Variants in ATP5MJ observed in about 807,000 individuals in gnomAD.
The protein encoded by ATP5MJ is ATP synthase membrane subunit j.
ATP5MJ carries 4 observed loss-of-function variants against 8.3 expected under a neutral mutation model. That is an observed-to-expected ratio of 0.48 (90% CI 0.24 to 1.11). ATP5MJ has a LOEUF of 1.11. ATP5MJ is among the 50% of genes least tolerant of loss of function. The pLI, the probability that ATP5MJ is intolerant of heterozygous loss-of-function variation, is 0.18. For synonymous variants in ATP5MJ, 23 were observed against 21.3 expected (o/e 1.08, Z -0.23); for missense variants, 66 against 71.8 (o/e 0.92, Z 0.29).
chr14:103,921,272 C>T, intron 1 of ATP5MJ, 198 bp downstream of exon 1: 1 of 482,856 alleles, frequency 2.1e-6, no homozygotes, highest in East Asian at 3.6e-5. Context: ...GGAAACGCGG[C>T]GCAGGCCTAG....
chr14:103,917,553 G>T (rs986237392), intron 1 of ATP5MJ, among the ~76,000 whole-genome samples: 2 of 151,726 alleles, frequency 1.3e-5, no homozygotes, highest in Non-Finnish European at 2.9e-5. Flanking sequence ...GATGGGATTC[G>T]AGGGCAGCTG....
intron 1 of ATP5MJ, chr14:103,918,108 C>A (rs1446793263): frequency 6.6e-6 from 1 of 152,238 alleles, no homozygotes; most frequent in Non-Finnish European, 1.5e-5. Flanking sequence ...GTGTGAGGTT[C>A]CAAGAAACGA....
rs137939603 is a variant in ATP5MJ, at chr14:103,912,828, A to G, written c.149-134T>C. On this transcript the variant is annotated intron_variant, in intron 3 of 3. Transcript: ENST00000286953. The stretch of plus-strand genomic sequence containing the variant: ...AATGACACCTTTCAATACTATTGAA[A>G]AGTAGGATTATTTCTATATGAAACA... The G allele has an allele frequency of 5.4e-3, 4,602 of 851,998 alleles. 27 individuals are homozygous for G. Among genetic ancestry groups the G allele is most frequent in the Non-Finnish European group, 7.4e-3 (3,962 of 537,424 alleles). The allele number at this position is 851,998 out of a possible 1,614,324, so 52.8% of individuals were successfully genotyped here.
At chr14:103,914,405 C>T in intron 2 of ATP5MJ, 3 of 570,808 alleles carry the variant, frequency 5.3e-6, no homozygotes, top group South Asian at 2.3e-5. Flanking sequence ...ATACCATGAA[C>T]CCATACCTTA....
At chr14:103,921,052 A>G in intron 1 of ATP5MJ, 2 of 1,551,284 alleles carry the variant, frequency 1.3e-6, no homozygotes, top group East Asian at 2.4e-5. Context: ...CATGTACAGC[A>G]TAACGTGGAG....
At chr14:103,914,939 G>A (rs2087613301) in intron 2 of ATP5MJ, 127 bp downstream of exon 2, 1 of 1,211,936 alleles carries the variant, frequency 8.3e-7, no homozygotes, top group Non-Finnish European at 1.2e-6. Flanking sequence ...TTTTTACGAA[G>A]GACTGTAGGT....
chr14:103,914,909 C>A, intron 2 of ATP5MJ, 157 bp downstream of exon 2: 2 of 788,582 alleles, frequency 2.5e-6, no homozygotes, highest in Non-Finnish European at 3.8e-6. Flanking sequence ...TCTTTTATAG[C>A]TGACATGTGC....
intron 2 of ATP5MJ, chr14:103,914,637 CAAAAAAAAAA>C (rs753046971): frequency 6.0e-6 from 2 of 332,154 alleles, no homozygotes; most frequent in African/African-American, 4.8e-5. Context: ...CCCATCTCTA[CAAAAAAAAAA>C]AGTACAAAAA....
At chr14:103,914,542 G>T in intron 2 of ATP5MJ, 1 of 689,484 alleles carries the variant, frequency 1.5e-6, no homozygotes, top group East Asian at 2.7e-5. Flanking sequence ...GCTCACGCTT[G>T]TTAATTCCAG....
At chr14:103,912,820 C>G in intron 3 of ATP5MJ, 126 bp from the exon 4 acceptor site, 10 of 896,600 alleles carry the variant, frequency 1.1e-5, no homozygotes, top group Non-Finnish European at 1.8e-5. Context: ...CCTTTCAATA[C>G]TATTGAAAAG....
intron 2 of ATP5MJ, chr14:103,914,837 CAAAAAAAA>C: frequency 2.7e-5 from 5 of 186,144 alleles, no homozygotes; most frequent in East Asian, 1.2e-4. Flanking sequence ...AGACTGTCTC[CAAAAAAAA>C]AAAAAAAAAA....
chr14:103,914,637 C>CAAA (rs753046971), intron 2 of ATP5MJ: 11 of 425,376 alleles, frequency 2.6e-5, no homozygotes, highest in South Asian at 1.8e-4. Flanking sequence ...CCCATCTCTA[C>CAAA]AAAAAAAAAA....
intron 1 of ATP5MJ, among the ~76,000 whole-genome samples, chr14:103,915,926 C>A (rs2087622293): frequency 6.6e-6 from 1 of 152,142 alleles, no homozygotes; most frequent in Non-Finnish European, 1.5e-5. Flanking sequence ...GATGCCATGC[C>A]CTGAACTGCA....
intron 1 of ATP5MJ, among the ~76,000 whole-genome samples, chr14:103,917,214 G>T (rs929000045): frequency 6.6e-6 from 1 of 152,116 alleles, no homozygotes; most frequent in South Asian, 2.1e-4. Context: ...AACTTAAACC[G>T]CTTAAGTTTT....
intron 2 of ATP5MJ, chr14:103,914,849 A>AAAAAAAAAAAAT: frequency 2.7e-6 from 1 of 365,072 alleles, no homozygotes; most frequent in Non-Finnish European, 4.6e-6. Flanking sequence ...AAAAAAAAAA[A>AAAAAAAAAAAAT]AAAAAAAAGA....
chr14:103,915,310 G>C, intron 1 of ATP5MJ, 121 bp from the exon 2 acceptor site: 1 of 1,093,468 alleles, frequency 9.1e-7, no homozygotes, highest in South Asian at 1.5e-5. Flanking sequence ...CCTCGCCTGT[G>C]TCAGATGTCA....
At chr14:103,913,342 C>G (rs891863694) in intron 3 of ATP5MJ, 2 of 149,496 alleles carry the variant, frequency 1.3e-5, no homozygotes, top group Non-Finnish European at 2.9e-5. Flanking sequence ...ACCCAAAAAA[C>G]AAAACCAAAC....
intron 2 of ATP5MJ, 118 bp downstream of exon 2, chr14:103,914,948 G>A: frequency 3.1e-6 from 4 of 1,309,494 alleles, no homozygotes; most frequent in Middle Eastern, 1.8e-4. Context: ...AGGACTGTAG[G>A]TAGCTCTAAT....
At chr14:103,917,532 G>A (rs770488072) in intron 1 of ATP5MJ, among the ~76,000 whole-genome samples, 1 of 151,828 alleles carries the variant, frequency 6.6e-6, no homozygotes, top group Non-Finnish European at 1.5e-5. Flanking sequence ...TTAGAATCTG[G>A]AACTGGCCTG....
Sources: allele counts gnomAD v4.1 joint callset (sites outside exome capture counted in the v4.1 genomes callset), GRCh38; gene constraint gnomAD v4.1.1; transcripts MANE v1.5; gene names NCBI Gene and HGNC (gene_info 2026-07-23, HGNC 2026-07-21).